The following TMEM255A variants were observed in gnomAD, a reference collection of about 807,000 sequenced individuals.
TMEM255A encodes family with sequence similarity 70, member A.
TMEM255A carries 14 observed loss-of-function variants against 23.5 expected under a neutral mutation model. The observed-to-expected ratio is 0.60, with a 90% CI of 0.39 to 0.93. TMEM255A has a LOEUF of 0.93. TMEM255A is among the 40% of genes least tolerant of loss of function. The probability of loss-of-function intolerance (pLI) is 0.00; values close to 1 mark genes in which losing one functional copy is unlikely to be tolerated. For synonymous variants in TMEM255A, 104 were observed against 100.3 expected (o/e 1.04, Z -0.22); for missense variants, 233 against 261.7 (o/e 0.89, Z 0.76).
chrX:120,296,033 G>GA (rs1366474564), intron 2 of TMEM255A, among the ~76,000 whole-genome samples: 2 of 111,871 alleles, frequency 1.8e-5, no homozygotes, highest in African/African-American at 6.5e-5. Flanking sequence ...TTTTTTAGGA[G>GA]AAAATCCATG....
At chrX:120,262,576 G>A (rs2057687430) in intron 8 of TMEM255A, among the ~76,000 whole-genome samples, 1 of 111,436 alleles carries the variant, frequency 9.0e-6, no homozygotes, top group African/African-American at 3.3e-5. Flanking sequence ...GATACCCTTT[G>A]TTAAAAACAT....
At chrX:120,279,998 C>CTTTTTTTTTTTTT (rs59428362) in intron 6 of TMEM255A, among the ~76,000 whole-genome samples, 17 of 38,222 alleles carry the variant, frequency 4.4e-4, no homozygotes, top group Admixed American at 9.0e-4. Context: ...CCTTTTCTTT[C>CTTTTTTTTTTTTT]TTTTTTTTTT....
chrX:120,263,095 G>T (rs1384446777), intron 8 of TMEM255A, among the ~76,000 whole-genome samples: 9 of 111,573 alleles, frequency 8.1e-5, no homozygotes, highest in Middle Eastern at 4.6e-3. Flanking sequence ...CAGAGCTAGG[G>T]AGCTAACTGG....
chrX:120,281,760 A>T (rs2057838822), intron 6 of TMEM255A, among the ~76,000 whole-genome samples: 1 of 112,405 alleles, frequency 8.9e-6, no homozygotes, highest in African/African-American at 3.2e-5. Flanking sequence ...CGGGCTGAAA[A>T]CCAGTGATAT....
intron 7 of TMEM255A, chrX:120,273,510 A>T (rs1556019170): frequency 1.5e-5 from 2 of 133,412 alleles, no homozygotes; most frequent in African/African-American, 6.3e-5. Context: ...GGTAACATAA[A>T]CCTTAAAGCT....
At chrX:120,252,101 C>T in the TMEM255A span, among the ~76,000 whole-genome samples, 4 of 111,719 alleles carry the variant, frequency 3.6e-5, no homozygotes, top group Middle Eastern at 4.6e-3. Flanking sequence ...TGTTTTAAAT[C>T]TTGATTTTTA....
intron 6 of TMEM255A, among the ~76,000 whole-genome samples, chrX:120,283,774 C>G (rs1452814450): frequency 9.0e-6 from 1 of 111,349 alleles, no homozygotes; most frequent in Non-Finnish European, 1.9e-5. Flanking sequence ...CTATGGCCTG[C>G]GCTCTTGCAA....
At chrX:120,253,322 C>CT in the TMEM255A span, 1 of 869,348 alleles carries the variant, frequency 1.2e-6, no homozygotes, top group Non-Finnish European at 1.6e-6. Context: ...CTTGAATAAA[C>CT]TATTTAATGA....
At chrX:120,304,562 C>T in intron 1 of TMEM255A, 71 bp from the exon 2 acceptor site, 1 of 1,106,651 alleles carries the variant, frequency 9.0e-7, no homozygotes. Context: ...GAAAAAAACA[C>T]TAAGAAGGTT....
chrX:120,300,620 C>A (rs1281113735), intron 2 of TMEM255A, among the ~76,000 whole-genome samples: 1 of 99,060 alleles, frequency 1.0e-5, no homozygotes, highest in Non-Finnish European at 2.0e-5. Flanking sequence ...GTCTCAAACT[C>A]CTGGGCTCAA....
rs782690601 is a variant in TMEM255A at position 120,260,834 on chromosome X, G to A, written c.*36C>T. 8.4e-7 allele frequency: 1 copy of A among 1,197,320 alleles called. No homozygotes were observed. Among genetic ancestry groups the A allele is most frequent in the Non-Finnish European group, 1.1e-6 (1 of 890,763 alleles). ...CTTCCACTGAAGCAGAAATACAAAA[G>A]CCACAATAATCTCAATAGCCAGCAG... is the stretch of plus-strand genomic sequence containing the variant. On this transcript the variant is annotated 3_prime_UTR_variant, in exon 9 of 9. Coordinates refer to ENST00000371369, the MANE Select transcript of TMEM255A (RefSeq NM_001104544.3).
chrX:120,299,830 C>A (rs782028456), intron 2 of TMEM255A, among the ~76,000 whole-genome samples: 1 of 111,721 alleles, frequency 9.0e-6, no homozygotes, highest in East Asian at 2.8e-4. Context: ...TGGACTTTTC[C>A]AAGGAGTCTT....
intron 4 of TMEM255A, among the ~76,000 whole-genome samples, chrX:120,287,891 G>A (rs1256947187): frequency 5.4e-5 from 6 of 111,860 alleles, no homozygotes; most frequent in African/African-American, 2.0e-4. Context: ...TTACTCTGCT[G>A]GCTTGGCCAG....
chrX:120,274,796 G>T (rs1413553046), intron 7 of TMEM255A, among the ~76,000 whole-genome samples: 1 of 112,032 alleles, frequency 8.9e-6, no homozygotes, highest in Non-Finnish European at 1.9e-5. Context: ...CATGGTGGCA[G>T]TTTCAGCGCC....
At chrX:120,256,322 G>T (rs1556015438), downstream of TMEM255A, 1 of 122,895 alleles carries the variant, frequency 8.1e-6, no homozygotes, top group Non-Finnish European at 1.9e-5. Flanking sequence ...GCCACCAAAT[G>T]TATCTTTATG....
At chrX:120,270,204 A>G (rs1386566281) in intron 7 of TMEM255A, among the ~76,000 whole-genome samples, 3 of 111,484 alleles carry the variant, frequency 2.7e-5, no homozygotes, top group African/African-American at 9.8e-5. Flanking sequence ...GGGCCAAAAT[A>G]GTGGTCTGGT....
intron 2 of TMEM255A, among the ~76,000 whole-genome samples, chrX:120,297,747 C>G (rs782567614): frequency 3.6e-5 from 4 of 111,041 alleles, no homozygotes; most frequent in Non-Finnish European, 7.5e-5. Flanking sequence ...TTCTTTTAGC[C>G]ACACCTCGCT....
At chrX:120,310,124 AG>A (rs1556027968) in intron 1 of TMEM255A, 1 of 111,603 alleles carries the variant, frequency 9.0e-6, no homozygotes, top group African/African-American at 3.3e-5. Context: ...GACTGATGGC[AG>A]GAACTGCGGG....
rs1439670954 is a variant in TMEM255A at position 120,296,876 on chromosome X, C to T, written c.202-2825G>A. Among the ~76,000 whole-genome samples the T allele has an allele frequency of 7.6e-3, 23 of 3,026 alleles. 1 individual carries two copies. The highest frequency in any genetic ancestry group is 0.016 in the African/African-American group (7 of 430). The allele number at this position is 3,026 out of a possible 115,157, so 2.6% of individuals were successfully genotyped here. On this transcript the variant is annotated intron_variant, in intron 2 of 8. Coordinates refer to ENST00000371369, the MANE Select transcript of TMEM255A (RefSeq NM_001104544.3). ...ATATAATATATAATATATTATATAT[C>T]ATATATATTATATATGATATATATA... is the stretch of plus-strand genomic sequence containing the variant.
Sources: gnomAD v4.1 joint callset for allele counts (sites outside exome capture counted in the v4.1 genomes callset) on GRCh38, gnomAD v4.1.1 for gene constraint, MANE v1.5 for transcripts, NCBI Gene and HGNC (gene_info 2026-07-23, HGNC 2026-07-21) for gene names.